Variants in CLPB observed in about 807,000 individuals in gnomAD.
The protein encoded by CLPB is mitochondrial disaggregase.
CLPB carries 40 observed loss-of-function variants against 78.4 expected under a neutral mutation model. The observed-to-expected ratio is 0.51, with a 90% CI of 0.40 to 0.66. The LOEUF is 0.66. CLPB is among the 30% of genes least tolerant of loss of function. The probability of loss-of-function intolerance (pLI) is 0.00; values close to 1 mark genes in which losing one functional copy is unlikely to be tolerated. For missense variants in CLPB, 780 were observed against 886.9 expected, an observed-to-expected ratio of 0.88 and a Z score of 1.53; for synonymous variants, 333 against 348.0, an observed-to-expected ratio of 0.96 and a Z score of 0.48.
chr11:72,396,121 G>A (rs780843339), intron 3 of CLPB, among the ~76,000 whole-genome samples: 1 of 152,150 alleles, frequency 6.6e-6, no homozygotes, highest in Non-Finnish European at 1.5e-5. Context: ...AAGGATGGCA[G>A]CACTTTAAAA....
At chr11:72,310,089 T>A (rs1949817434) in intron 7 of CLPB, among the ~76,000 whole-genome samples, 1 of 152,112 alleles carries the variant, frequency 6.6e-6, no homozygotes, top group South Asian at 2.1e-4. Flanking sequence ...GAGACAGGAA[T>A]GATCATGAGG....
chr11:72,394,268 AAAG>A (rs1196724034), intron 3 of CLPB, among the ~76,000 whole-genome samples: 1 of 152,228 alleles, frequency 6.6e-6, no homozygotes, highest in African/African-American at 2.4e-5. Flanking sequence ...GAAGTCTCTT[AAAG>A]AAGAGGTATA....
At chr11:72,334,267 CT>C (rs1950281202) in intron 5 of CLPB, among the ~76,000 whole-genome samples, 1 of 152,160 alleles carries the variant, frequency 6.6e-6, no homozygotes, top group African/African-American at 2.4e-5. Context: ...ATCTCTGCAC[CT>C]GGGCCAGCCA....
chr11:72,380,284 C>T lies in CLPB; in HGVS notation c.643G>A (p.Glu215Lys). 1.2e-6 allele frequency: 2 copies of T among 1,612,798 alleles called. No individual in the cohort carries two copies. The highest frequency in any genetic ancestry group is 1.7e-6 in the Non-Finnish European group (2 of 1,178,762). Residue 215 changes from glutamate to lysine, a missense_variant, in exon 4 of 16, where the codon GAA becomes AAA. By Grantham distance (56) the Glu-to-Lys change is moderately conservative. This residue lies in a region of CLPB where 417 missense variants were observed against 414.7 expected (regional missense o/e 1.01). Transcript: ENST00000538039. ...AAGCAGGACAGCCCACACTTACCTT[C>T]CAAAGAATGGATTCCCTGTTCCTTG... Reference protein sequence around the residue: ...TAKEQGIHSLEVLITREDDFN... With the variant: ...TAKEQGIHSLKVLITREDDFN...
intron 2 of CLPB, chr11:72,428,813 C>T (rs1422499931): frequency 6.6e-6 from 1 of 152,192 alleles, no homozygotes; most frequent in Non-Finnish European, 1.5e-5. Context: ...CCGTTAAGTT[C>T]AATTACTTTC....
At chr11:72,390,298 T>A (rs1190046680) in intron 3 of CLPB, among the ~76,000 whole-genome samples, 1 of 150,776 alleles carries the variant, frequency 6.6e-6, no homozygotes, top group African/African-American at 2.4e-5. Flanking sequence ...ATTAGCCAGG[T>A]GTGATGGCAG....
intron 1 of CLPB, among the ~76,000 whole-genome samples, chr11:72,433,489 G>A (rs996121544): frequency 2.0e-5 from 3 of 151,692 alleles, no homozygotes; most frequent in Admixed American, 6.6e-5. Flanking sequence ...GCAGTGGGCC[G>A]AGATTGCGCC....
chr11:72,317,970 A>G (rs1021193476), intron 6 of CLPB, among the ~76,000 whole-genome samples: 1 of 152,272 alleles, frequency 6.6e-6, no homozygotes, highest in African/African-American at 2.4e-5. Context: ...GCTCAAAGTC[A>G]GGAGATGAGG....
chr11:72,393,264 T>C lies in CLPB; in HGVS notation c.542+9702A>G, dbSNP rs61620471. 9.3e-3 allele frequency among the ~76,000 whole-genome samples: 1,420 copies of C among 152,276 alleles called. 9 individuals are homozygous for C. The highest frequency in any genetic ancestry group is 0.033 in the African/African-American group (1,356 of 41,544). On this transcript the variant is annotated intron_variant, in intron 3 of 15. Transcript: ENST00000538039. ...TAGTCAGGCCCTAGATGTTAGGACT[T>C]ATTACAGTATGGACCCAGACTAGGC...
chr11:72,335,502 A>C (rs563876326), intron 5 of CLPB, among the ~76,000 whole-genome samples: 2 of 152,278 alleles, frequency 1.3e-5, no homozygotes, highest in South Asian at 4.1e-4. Flanking sequence ...TATGAGTCCC[A>C]GATTCTCTCA....
At chr11:72,408,262 T>C (rs1855768579) in intron 2 of CLPB, 1 of 1,166,116 alleles carries the variant, frequency 8.6e-7, no homozygotes, top group South Asian at 1.3e-5. Context: ...GAGTTCAGAT[T>C]CTAGCTCTGT....
At chr11:72,337,548 A>C (rs576939861) in intron 5 of CLPB, among the ~76,000 whole-genome samples, 35 of 152,362 alleles carry the variant, frequency 2.3e-4, no homozygotes, top group African/African-American at 7.9e-4. Context: ...GAGAAAGTAG[A>C]GGCTCAGAAA....
chr11:72,303,470 G>A (rs1949695525), intron 9 of CLPB, among the ~76,000 whole-genome samples: 1 of 152,198 alleles, frequency 6.6e-6, no homozygotes, highest in Admixed American at 6.5e-5. Context: ...CAGGGGGCTC[G>A]GGTTCCAGTC....
intron 3 of CLPB, among the ~76,000 whole-genome samples, chr11:72,386,824 CAT>C (rs747578832): frequency 7.2e-5 from 11 of 152,166 alleles, no homozygotes; most frequent in Non-Finnish European, 5.9e-5. Flanking sequence ...GTCTAAAACT[CAT>C]ATGTTTAATT....
chr11:72,300,943 T>TG (rs942481098), intron 11 of CLPB, among the ~76,000 whole-genome samples: 1 of 152,144 alleles, frequency 6.6e-6, no homozygotes, highest in African/African-American at 2.4e-5. Flanking sequence ...AACAGTGGTA[T>TG]GGGGGGAGAA....
intron 6 of CLPB, among the ~76,000 whole-genome samples, chr11:72,319,304 T>C (rs2135531627): frequency 6.6e-6 from 1 of 152,346 alleles, no homozygotes; most frequent in South Asian, 2.1e-4. Flanking sequence ...CCATGTTTAT[T>C]TCTCTCTATA....
chr11:72,382,372 C>T (rs1033019089), intron 3 of CLPB, among the ~76,000 whole-genome samples: 37 of 152,348 alleles, frequency 2.4e-4, no homozygotes, highest in African/African-American at 7.7e-4. Context: ...AGGCTCCAGG[C>T]CCGTCCACCT....
chr11:72,396,663 C>T (rs1235736895), intron 3 of CLPB, among the ~76,000 whole-genome samples: 2 of 152,182 alleles, frequency 1.3e-5, no homozygotes, highest in Non-Finnish European at 2.9e-5. Flanking sequence ...TATCACTATT[C>T]ATCAGTAATT....
At chr11:72,422,082 A>G (rs1048722912) in intron 2 of CLPB, among the ~76,000 whole-genome samples, 1 of 151,506 alleles carries the variant, frequency 6.6e-6, no homozygotes, top group Non-Finnish European at 1.5e-5. Context: ...CTTGGCTAAC[A>G]TGGTGAAACC....
Sources: allele counts gnomAD v4.1 joint callset (sites outside exome capture counted in the v4.1 genomes callset), GRCh38; gene constraint gnomAD v4.1.1; regional missense constraint gnomAD v4.1.1; transcripts MANE v1.5; gene names NCBI Gene and HGNC (gene_info 2026-07-23, HGNC 2026-07-21).